The following STPG2 variants were observed in gnomAD, a reference collection of about 807,000 sequenced individuals.
STPG2 encodes the protein sperm tail PG-rich repeat containing 2, also known as sperm-tail PG-rich repeat-containing protein 2.
A neutral mutation model predicts 54.2 loss-of-function variants in STPG2; 56 were observed. The ratio of observed to expected loss-of-function variants is 1.03; its 90% CI spans 0.83 to 1.29. The LOEUF (loss-of-function observed/expected upper bound fraction) is 1.29. Ranked by LOEUF, STPG2 falls within the 50% of genes most tolerant of loss-of-function variation. STPG2 has a pLI of 0.00. For synonymous variants in STPG2, 200 were observed against 181.8 expected (o/e 1.10, Z -0.81); for missense variants, 596 against 544.9 (o/e 1.09, Z -0.93).
chr4:97,915,746 G>A (rs1388366690), intron 8 of STPG2, among the ~76,000 whole-genome samples: 1 of 152,128 alleles, frequency 6.6e-6, no homozygotes, highest in Non-Finnish European at 1.5e-5. Flanking sequence ...GCTGGAAAGT[G>A]ATGCAGGGAA....
intron 4 of STPG2, among the ~76,000 whole-genome samples, chr4:97,548,160 C>T (rs1160472931): frequency 4.0e-5 from 6 of 151,712 alleles, no homozygotes; most frequent in African/African-American, 1.5e-4. Context: ...CAAAACAAAA[C>T]AAAACAAAAC....
rs558579207 is a variant in STPG2 at position 97,455,540 on chromosome 4, C to T, written c.462+257159G>A. On this transcript the variant is annotated intron_variant, in intron 4 of 4. Coordinates refer to the STPG2 transcript ENST00000522676. ...GGGTGGTCAGAGGAGAGCCTGGCTG[C>T]TGAGCGGCCTGACTCCAGGGGAAAA... 2.0e-5 allele frequency among the ~76,000 whole-genome samples: 3 copies of T among 152,274 alleles called. No individual in the cohort carries two copies. In the East Asian group the frequency reaches 5.8e-4, roughly 30 times the overall value.
At chr4:97,555,011 T>A (rs1732045785), downstream of STPG2, among the ~76,000 whole-genome samples, 1 of 152,154 alleles carries the variant, frequency 6.6e-6, no homozygotes, top group South Asian at 2.1e-4. Context: ...AAAATTTACA[T>A]CTATAAAGTA....
chr4:98,023,077 G>C (rs184655553), intron 5 of STPG2, among the ~76,000 whole-genome samples: 302 of 152,282 alleles, frequency 2.0e-3, no homozygotes, highest in African/African-American at 7.1e-3. Flanking sequence ...CATTCCTTTG[G>C]AGGAGGAGAG....
At chr4:97,600,530 G>A (rs2148905993) in intron 10 of STPG2, among the ~76,000 whole-genome samples, 1 of 152,184 alleles carries the variant, frequency 6.6e-6, no homozygotes, top group African/African-American at 2.4e-5. Context: ...GGCTCATAAT[G>A]GATTTCATAA....
chr4:97,832,649 G>A (rs113641411), intron 9 of STPG2, among the ~76,000 whole-genome samples: 4 of 152,264 alleles, frequency 2.6e-5, no homozygotes, highest in African/African-American at 7.2e-5. Flanking sequence ...AAGCTGATAA[G>A]CAACTTCAGC....
chr4:98,076,012 A>G (rs1412068061), intron 5 of STPG2, among the ~76,000 whole-genome samples: 1 of 152,222 alleles, frequency 6.6e-6, no homozygotes, highest in Non-Finnish European at 1.5e-5. Flanking sequence ...TGGGAGGCCC[A>G]GGCGGGCAGA....
chr4:97,558,029 T>C (rs1458526548), downstream of STPG2, among the ~76,000 whole-genome samples: 1 of 152,194 alleles, frequency 6.6e-6, no homozygotes, highest in Non-Finnish European at 1.5e-5. Context: ...TAACAAGGAA[T>C]AGTTGTCACT....
chr4:97,966,602 A>T (rs1734107651), intron 7 of STPG2, among the ~76,000 whole-genome samples: 1 of 152,194 alleles, frequency 6.6e-6, no homozygotes, highest in Non-Finnish European at 1.5e-5. Context: ...ATGAAGAAAA[A>T]ATGTTAAGGG....
chr4:97,848,815 T>C (rs1322127658), intron 8 of STPG2, among the ~76,000 whole-genome samples: 3 of 150,512 alleles, frequency 2.0e-5, no homozygotes, highest in South Asian at 2.1e-4. Flanking sequence ...GTTGTAGGTA[T>C]GCGGCGTTAT....
chr4:98,131,443 T>C (rs1739995390), intron 2 of STPG2, among the ~76,000 whole-genome samples: 1 of 152,222 alleles, frequency 6.6e-6, no homozygotes, highest in African/African-American at 2.4e-5. Context: ...AATGAACATT[T>C]ACTTTGTCCC....
At chr4:97,563,870 A>G (rs1342174266) in intron 10 of STPG2, among the ~76,000 whole-genome samples, 1 of 152,120 alleles carries the variant, frequency 6.6e-6, no homozygotes, top group Non-Finnish European at 1.5e-5. Flanking sequence ...GATGTGGTCA[A>G]TTTTGGAATA....
chr4:97,673,673 A>AT (rs34393242), intron 10 of STPG2, among the ~76,000 whole-genome samples: 5,019 of 149,976 alleles, frequency 0.033, 269 homozygotes, highest in African/African-American at 0.12. Context: ...ACGGCTTTAT[A>AT]TTTTTTTTTT....
intron 8 of STPG2, among the ~76,000 whole-genome samples, chr4:97,881,096 A>AT (rs1038143589): frequency 1.3e-5 from 2 of 152,044 alleles, no homozygotes; most frequent in African/African-American, 4.8e-5. Context: ...GTAAAGAAAA[A>AT]AAAAAATGGG....
At chr4:98,006,497 C>G (rs902479899) in intron 5 of STPG2, among the ~76,000 whole-genome samples, 1 of 152,200 alleles carries the variant, frequency 6.6e-6, no homozygotes, top group Admixed American at 6.5e-5. Context: ...AGCCTCATAT[C>G]AAGCTGGGAA....
chr4:97,648,758 G>A (rs1012076505), intron 10 of STPG2, among the ~76,000 whole-genome samples: 1 of 152,024 alleles, frequency 6.6e-6, no homozygotes, highest in Non-Finnish European at 1.5e-5. Flanking sequence ...TACAAACTTA[G>A]TAAACTCATA....
intron 4 of STPG2, among the ~76,000 whole-genome samples, chr4:97,475,966 T>C (rs1730060063): frequency 6.6e-6 from 1 of 152,216 alleles, no homozygotes; most frequent in African/African-American, 2.4e-5. Context: ...TTAACTTGTT[T>C]ATATGTTTAT....
chr4:97,462,488 G>A (rs925250906), intron 4 of STPG2, among the ~76,000 whole-genome samples: 3 of 151,864 alleles, frequency 2.0e-5, no homozygotes, highest in African/African-American at 7.3e-5. Flanking sequence ...TTTATTTAAA[G>A]GTCAATTTTT....
intron 8 of STPG2, among the ~76,000 whole-genome samples, chr4:97,921,004 A>G (rs1399874926): frequency 6.6e-6 from 1 of 152,226 alleles, no homozygotes; most frequent in East Asian, 1.9e-4. Flanking sequence ...GGATAACCTT[A>G]ACAAGAGCTA....
Sources: allele counts gnomAD v4.1 joint callset (sites outside exome capture counted in the v4.1 genomes callset), GRCh38; gene constraint gnomAD v4.1.1; transcripts MANE v1.5; gene names NCBI Gene and HGNC (gene_info 2026-07-23, HGNC 2026-07-21).